Variants in OCA2 observed in about 807,000 individuals in gnomAD.
The protein encoded by OCA2 is OCA2 melanosomal transmembrane protein, also known as P protein.
In OCA2, 77 loss-of-function variants were observed where a neutral mutation model predicts 100.2. The ratio of observed to expected loss-of-function variants is 0.77; its 90% CI spans 0.64 to 0.93. The LOEUF is 0.93. Among genes scored for constraint, OCA2 ranks in the 40% least tolerant of loss-of-function variants. The pLI is 0.00. For synonymous variants in OCA2, 432 were observed against 439.2 expected, an observed-to-expected ratio of 0.98 and a Z score of 0.21; for missense variants, 1,062 against 1,089.1, an observed-to-expected ratio of 0.98 and a Z score of 0.35.
chr15:27,977,665 T>G (rs2041013302), intron 14 of OCA2, among the ~76,000 whole-genome samples: 1 of 152,202 alleles, frequency 6.6e-6, no homozygotes, highest in South Asian at 2.1e-4. Flanking sequence ...GAAAGTACTG[T>G]GGCCAAAGCC....
At chr15:27,871,561 G>T in intron 20 of OCA2, among the ~76,000 whole-genome samples, 1 of 152,228 alleles carries the variant, frequency 6.6e-6, no homozygotes, top group East Asian at 1.9e-4. Flanking sequence ...TGATGGCCCG[G>T]CAGACCCCTG....
chr15:27,871,338 G>A, intron 20 of OCA2, 80 bp from the exon 21 acceptor site: 1 of 1,052,548 alleles, frequency 9.5e-7, no homozygotes, highest in Non-Finnish European at 1.5e-6. Flanking sequence ...GACTCAGAGG[G>A]GCCCGAGGGT....
chr15:27,734,866 T>A, the OCA2 span, among the ~76,000 whole-genome samples: 65,448 of 152,090 alleles, frequency 0.43, 15,435 homozygotes, highest in Non-Finnish European at 0.53. Context: ...GAACGGCTTT[T>A]CCAGAGAAAG....
In OCA2 at chr15:27,755,021, G is replaced by C. The variant is rs75043266; in HGVS notation, c.*367C>G. On this transcript the variant is annotated 3_prime_UTR_variant, in exon 24 of 24. Coordinates refer to ENST00000354638, the MANE Select transcript of OCA2 (RefSeq NM_000275.3). ...AGTGATTACAAGAAAAACAAACTGT[G>C]TTTAGCCTCAGGAGAATTGACAGTT... 3.0e-3 allele frequency: 828 copies of C among 276,764 alleles called. 2 individuals are homozygous for C. The highest frequency in any genetic ancestry group is 0.023 in the East Asian group (297 of 12,782). The allele number at this position is 276,764 out of a possible 1,614,324, so 17.1% of individuals were successfully genotyped here. A position where few individuals can be genotyped will look rare whatever the true frequency, so the allele number is the denominator to read the frequency against.
chr15:27,872,367 A>G (rs751122382), intron 19 of OCA2, among the ~76,000 whole-genome samples: 1 of 152,250 alleles, frequency 6.6e-6, no homozygotes, highest in Non-Finnish European at 1.5e-5. Flanking sequence ...AAAGAAAGGA[A>G]AAGTCTATTT....
At chr15:27,722,814 TTCTC>T in the OCA2 span, among the ~76,000 whole-genome samples, 336 of 134,836 alleles carry the variant, frequency 2.5e-3, 1 homozygote, top group African/African-American at 9.1e-3. Context: ...CTCTCTCTCT[TTCTC>T]TCTCTCTCTC....
At chr15:28,080,570 G>T (rs1838592675) in intron 2 of OCA2, among the ~76,000 whole-genome samples, 2 of 152,246 alleles carry the variant, frequency 1.3e-5, no homozygotes, top group South Asian at 4.1e-4. Context: ...TTCAGTGAAA[G>T]CATGAGCACG....
intron 23 of OCA2, among the ~76,000 whole-genome samples, chr15:27,833,574 G>T (rs1226955030): frequency 6.6e-6 from 1 of 151,844 alleles, no homozygotes; most frequent in African/African-American, 2.4e-5. Flanking sequence ...ATTTTTTTCT[G>T]GGTTCCCTAA....
intron 21 of OCA2, among the ~76,000 whole-genome samples, chr15:27,853,707 G>A (rs2035848896): frequency 6.6e-6 from 1 of 152,062 alleles, no homozygotes. Flanking sequence ...GGAGAGCTAT[G>A]TTGTCCCCAC....
chr15:27,744,810 A>G, the OCA2 span, among the ~76,000 whole-genome samples: 2 of 152,206 alleles, frequency 1.3e-5, no homozygotes, highest in African/African-American at 4.8e-5. Flanking sequence ...TTGGCCTAAG[A>G]CATTCCAAAG....
chr15:27,739,813 CAT>C, the OCA2 span, among the ~76,000 whole-genome samples: 4 of 152,074 alleles, frequency 2.6e-5, no homozygotes, highest in Admixed American at 2.0e-4. Context: ...GCATAAATCC[CAT>C]ATCTTCCTCA....
intron 8 of OCA2, 55 bp downstream of exon 8, chr15:28,016,049 T>G: frequency 2.1e-6 from 3 of 1,428,966 alleles, no homozygotes; most frequent in Admixed American, 1.7e-5. Context: ...CAGACTCCTT[T>G]AAACGCACGT....
chr15:27,930,940 T>C (rs922551104), intron 18 of OCA2, among the ~76,000 whole-genome samples: 1 of 152,304 alleles, frequency 6.6e-6, no homozygotes, highest in Non-Finnish European at 1.5e-5. Context: ...ATCATCAAAT[T>C]AGCCAAACAC....
chr15:28,040,978 T>C (rs1277805040), intron 2 of OCA2, among the ~76,000 whole-genome samples: 1 of 152,172 alleles, frequency 6.6e-6, no homozygotes, highest in Non-Finnish European at 1.5e-5. Context: ...ACTCATTCTG[T>C]GAGACCTAAC....
At chr15:27,873,931 C>A (rs765945219) in intron 19 of OCA2, among the ~76,000 whole-genome samples, 7 of 152,130 alleles carry the variant, frequency 4.6e-5, no homozygotes, top group Non-Finnish European at 8.8e-5. Flanking sequence ...GAAGATTATA[C>A]ATATTACTTG....
At chr15:28,004,500 G>T (rs1415716010) in intron 9 of OCA2, among the ~76,000 whole-genome samples, 13 of 152,006 alleles carry the variant, frequency 8.6e-5, no homozygotes. Flanking sequence ...CACACACACA[G>T]TCACACGCCC....
At chr15:27,899,044 A>T (rs2037820794) in intron 19 of OCA2, among the ~76,000 whole-genome samples, 1 of 152,238 alleles carries the variant, frequency 6.6e-6, no homozygotes, top group Non-Finnish European at 1.5e-5. Context: ...AAATGTTAGC[A>T]AACTGAATCC....
intron 19 of OCA2, among the ~76,000 whole-genome samples, chr15:27,890,045 G>A (rs1376671384): frequency 6.6e-6 from 1 of 152,142 alleles, no homozygotes; most frequent in African/African-American, 2.4e-5. Flanking sequence ...CCCAATAACA[G>A]AATTTCTTAA....
At chr15:27,816,783 C>G (rs1177653057) in intron 23 of OCA2, among the ~76,000 whole-genome samples, 1 of 152,114 alleles carries the variant, frequency 6.6e-6, no homozygotes, top group Non-Finnish European at 1.5e-5. Context: ...CCTCTGTTTC[C>G]TGCTTGGACG....
Sources: gnomAD v4.1 joint callset for allele counts (sites outside exome capture counted in the v4.1 genomes callset) on GRCh38, gnomAD v4.1.1 for gene constraint, MANE v1.5 for transcripts, NCBI Gene and HGNC (gene_info 2026-07-23, HGNC 2026-07-21) for gene names.